The following SEMA5A variants were observed in gnomAD, a reference collection of about 807,000 sequenced individuals.
SEMA5A encodes semaphorin-5A.
A neutral mutation model predicts 135.5 loss-of-function variants in SEMA5A; 55 were observed. That is an observed-to-expected ratio of 0.41 (90% CI 0.33 to 0.51). The LOEUF is 0.51. SEMA5A is among the 20% of genes least tolerant of loss of function. SEMA5A has a pLI of 0.37. For synonymous variants in SEMA5A, 580 were observed against 546.5 expected (o/e 1.06, Z -0.85); for missense variants, 1,290 against 1,419.9 (o/e 0.91, Z 1.47).
intron 5 of SEMA5A, among the ~76,000 whole-genome samples, chr5:9,305,614 C>A (rs1025178460): frequency 2.0e-5 from 3 of 151,310 alleles, no homozygotes; most frequent in African/African-American, 7.3e-5. Flanking sequence ...AAGTGTACGC[C>A]AAAACCCATA....
intron 1 of SEMA5A, among the ~76,000 whole-genome samples, chr5:9,472,473 GC>G (rs1318982422): frequency 6.6e-6 from 1 of 152,196 alleles, no homozygotes; most frequent in African/African-American, 2.4e-5. Context: ...TTTTATTGAG[GC>G]TAGAAAGTAT....
intron 14 of SEMA5A, among the ~76,000 whole-genome samples, chr5:9,120,623 A>C (rs1196756441): frequency 6.6e-6 from 1 of 152,228 alleles, no homozygotes; most frequent in Non-Finnish European, 1.5e-5. Flanking sequence ...TCACTGAATT[A>C]TATTTAAAAA....
chr5:9,251,843 C>T (rs1748809418), intron 5 of SEMA5A, among the ~76,000 whole-genome samples: 1 of 152,294 alleles, frequency 6.6e-6, no homozygotes, highest in East Asian at 1.9e-4. Context: ...TGGTACTCTT[C>T]TGCCCATCAT....
chr5:9,397,886 G>A (rs946742113), intron 2 of SEMA5A, among the ~76,000 whole-genome samples: 2 of 152,086 alleles, frequency 1.3e-5, no homozygotes, highest in Non-Finnish European at 2.9e-5. Context: ...TTTTTAAAAT[G>A]ACTAGAATTC....
chr5:9,449,234 G>T (rs1310201901), intron 1 of SEMA5A, among the ~76,000 whole-genome samples: 1 of 152,164 alleles, frequency 6.6e-6, no homozygotes, highest in Non-Finnish European at 1.5e-5. Flanking sequence ...ATACTATGCA[G>T]CCATTAAAAG....
intron 13 of SEMA5A, among the ~76,000 whole-genome samples, chr5:9,124,368 A>G (rs1315055096): frequency 6.6e-6 from 1 of 152,174 alleles, no homozygotes; most frequent in African/African-American, 2.4e-5. Context: ...CTCATGGGGC[A>G]CAGCCTTACA....
intron 5 of SEMA5A, among the ~76,000 whole-genome samples, chr5:9,309,682 A>T (rs932429604): frequency 2.0e-5 from 3 of 152,106 alleles, no homozygotes; most frequent in Admixed American, 6.5e-5. Context: ...AGTCTTCTGC[A>T]TGTGAATGTT....
chr5:9,297,916 G>A (rs897411410), intron 5 of SEMA5A, among the ~76,000 whole-genome samples: 11 of 151,804 alleles, frequency 7.2e-5, no homozygotes, highest in African/African-American at 2.7e-4. Flanking sequence ...CCCAGCCTAG[G>A]GTATTTGGGA....
At chr5:9,327,512 T>C (rs962026500) in intron 4 of SEMA5A, among the ~76,000 whole-genome samples, 3 of 152,256 alleles carry the variant, frequency 2.0e-5, no homozygotes, top group African/African-American at 7.2e-5. Flanking sequence ...ACCATTTTAA[T>C]AGCATTCTTA....
intron 3 of SEMA5A, among the ~76,000 whole-genome samples, chr5:9,347,467 C>T (rs750700759): frequency 7.9e-5 from 12 of 152,208 alleles, no homozygotes; most frequent in Non-Finnish European, 1.8e-4. Context: ...GCTGTGATAG[C>T]TCCTTTTTAC....
chr5:9,401,757 A>T (rs1222579644), intron 2 of SEMA5A, among the ~76,000 whole-genome samples: 3 of 152,322 alleles, frequency 2.0e-5, no homozygotes, highest in East Asian at 3.9e-4. Context: ...AGTTTTCCTT[A>T]AAAAATTTAA....
chr5:9,427,085 G>A (rs758241834), intron 2 of SEMA5A, among the ~76,000 whole-genome samples: 6 of 152,182 alleles, frequency 3.9e-5, no homozygotes, highest in Non-Finnish European at 7.3e-5. Flanking sequence ...GGCTGAGGCG[G>A]GTGTATCATG....
At chr5:9,257,811 AG>A (rs527663993) in intron 5 of SEMA5A, among the ~76,000 whole-genome samples, 214 of 152,194 alleles carry the variant, frequency 1.4e-3, no homozygotes, top group Admixed American at 3.9e-3. Flanking sequence ...CATCCATGGG[AG>A]GGTTCAGCAA....
intron 7 of SEMA5A, 104 bp from the exon 8 acceptor site, chr5:9,224,991 C>T (rs1747214186): frequency 1.8e-6 from 2 of 1,088,070 alleles, no homozygotes; most frequent in Non-Finnish European, 2.6e-6. Flanking sequence ...GTGCAACAGC[C>T]TCTCGGGGGC....
At chr5:9,452,662 C>T (rs996641375) in intron 1 of SEMA5A, among the ~76,000 whole-genome samples, 12 of 152,316 alleles carry the variant, frequency 7.9e-5, no homozygotes, top group Admixed American at 6.5e-4. Context: ...TCTAGCCACA[C>T]TCTCCCAAAA....
At chr5:9,085,022 C>T (rs769040451) in intron 16 of SEMA5A, among the ~76,000 whole-genome samples, 7 of 152,110 alleles carry the variant, frequency 4.6e-5, no homozygotes, top group Non-Finnish European at 1.0e-4. Context: ...GGCATTTTCC[C>T]CCTGCTCTGG....
chr5:9,305,276 G>A (rs756811745), intron 5 of SEMA5A, among the ~76,000 whole-genome samples: 17 of 151,864 alleles, frequency 1.1e-4, no homozygotes, highest in Non-Finnish European at 1.8e-4. Context: ...TTATTTCTAT[G>A]ATCATATATT....
intron 5 of SEMA5A, among the ~76,000 whole-genome samples, chr5:9,246,734 G>A (rs1320769807): frequency 6.6e-6 from 1 of 152,102 alleles, no homozygotes; most frequent in East Asian, 1.9e-4. Context: ...AACAATATGA[G>A]AAGCAGCATG....
rs1579719441 is a variant in SEMA5A at position 9,544,755 on chromosome 5, T to C, written c.-175+829A>G. The stretch of plus-strand genomic sequence containing the variant: ...GCAAAGGGCGAGGAGGTGAACGCGC[T>C]TCCCGCCAAAGCCAGGGGAACAGGG... On this transcript the variant is annotated intron_variant, in intron 1 of 22. Coordinates refer to ENST00000382496, the MANE Select transcript of SEMA5A (RefSeq NM_003966.3). Among the ~76,000 whole-genome samples, 4 of 152,272 alleles carry C rather than the reference T, an allele frequency of 2.6e-5. 1 individual carries two copies. The East Asian group carries it at 7.8e-4, about 30-fold the overall frequency.
Sources: allele counts gnomAD v4.1 joint callset (sites outside exome capture counted in the v4.1 genomes callset), GRCh38; gene constraint gnomAD v4.1.1; transcripts MANE v1.5; gene names NCBI Gene and HGNC (gene_info 2026-07-23, HGNC 2026-07-21).